The following NRXN3 variants were observed in gnomAD, a reference collection of about 807,000 sequenced individuals.
The protein encoded by NRXN3 is neurexin 3.
In NRXN3, 32 loss-of-function variants were observed where a neutral mutation model predicts 137.6. The observed-to-expected ratio is 0.23, with a 90% CI of 0.18 to 0.31. The LOEUF is 0.31. NRXN3 is among the 10% of genes least tolerant of loss of function. The pLI, the probability that NRXN3 is intolerant of heterozygous loss-of-function variation, is 1.00. For synonymous variants in NRXN3, 798 were observed against 784.5 expected, an observed-to-expected ratio of 1.02 and a Z score of -0.29; for missense variants, 1,574 against 2,062.5, an observed-to-expected ratio of 0.76 and a Z score of 4.59.
chr14:79,175,095 C>T (rs542169498), intron 15 of NRXN3, among the ~76,000 whole-genome samples: 3 of 151,786 alleles, frequency 2.0e-5, no homozygotes, highest in Non-Finnish European at 4.4e-5. Context: ...ATTCTCCTGC[C>T]TCAGCCTCCC....
chr14:78,724,942 C>G (rs1172211462), intron 8 of NRXN3, among the ~76,000 whole-genome samples: 1 of 152,190 alleles, frequency 6.6e-6, no homozygotes, highest in Non-Finnish European at 1.5e-5. Flanking sequence ...GAAAGACCCC[C>G]TTCTGTGGGC....
intron 16 of NRXN3, among the ~76,000 whole-genome samples, chr14:79,585,698 A>C (rs1029754713): frequency 1.5e-4 from 23 of 151,020 alleles, no homozygotes; most frequent in South Asian, 6.3e-4. Flanking sequence ...AAAAAACAAA[A>C]AAAAAAAAAA....
intron 16 of NRXN3, among the ~76,000 whole-genome samples, chr14:79,481,467 A>G (rs1555474519): frequency 6.6e-6 from 1 of 152,210 alleles, no homozygotes; most frequent in Non-Finnish European, 1.5e-5. Flanking sequence ...GCTATATGGT[A>G]TAGCCTATTG....
intron 15 of NRXN3, among the ~76,000 whole-genome samples, chr14:79,295,782 T>G (rs1338828913): frequency 2.0e-5 from 3 of 152,226 alleles, no homozygotes; most frequent in African/African-American, 7.2e-5. Flanking sequence ...TTTGGTAGAC[T>G]GCTACTAATT....
chr14:78,952,534 C>T (rs1437253509), intron 10 of NRXN3, among the ~76,000 whole-genome samples: 1 of 152,134 alleles, frequency 6.6e-6, no homozygotes, highest in African/African-American at 2.4e-5. Context: ...TGTCACAGCT[C>T]AGCTAGCCTA....
intron 16 of NRXN3, among the ~76,000 whole-genome samples, chr14:79,472,849 T>C (rs1465560918): frequency 6.6e-6 from 1 of 152,174 alleles, no homozygotes; most frequent in Non-Finnish European, 1.5e-5. Flanking sequence ...GTTATTACTA[T>C]CATGAAACTC....
chr14:79,536,371 A>G (rs1201443783), intron 16 of NRXN3, among the ~76,000 whole-genome samples: 1 of 152,132 alleles, frequency 6.6e-6, no homozygotes. Context: ...GAATCATGAA[A>G]AGAGATTGGT....
intron 4 of NRXN3, among the ~76,000 whole-genome samples, chr14:78,404,671 G>A (rs1162474841): frequency 6.6e-6 from 1 of 152,150 alleles, no homozygotes; most frequent in African/African-American, 2.4e-5. Context: ...TCAATTCACT[G>A]CTTGGATCAG....
At chr14:78,617,927 G>A (rs988077505) in intron 4 of NRXN3, among the ~76,000 whole-genome samples, 10 of 145,204 alleles carry the variant, frequency 6.9e-5, no homozygotes, top group African/African-American at 2.3e-4. Context: ...GGCAAAAACC[G>A]CAATTACTTT....
intron 19 of NRXN3, among the ~76,000 whole-genome samples, chr14:79,723,461 C>G (rs2098856247): frequency 6.6e-6 from 1 of 152,136 alleles, no homozygotes. Context: ...CTTAGATGAT[C>G]AATTGCTCAT....
rs1475210423 is a variant in NRXN3, at chr14:78,714,816, T to G, written c.1721T>G (p.Leu574Arg). Residue 574 changes from leucine to arginine, a missense_variant, in exon 8 of 21, where the codon CTG becomes CGG. By Grantham distance (102) the Leu-to-Arg change is moderately radical. This residue lies in a region of NRXN3 where 718 missense variants were observed against 887.6 expected (regional missense o/e 0.81). Coordinates refer to ENST00000335750, the MANE Select transcript of NRXN3 (RefSeq NM_001330195.2). The stretch of plus-strand genomic sequence containing the variant: ...ACCGCCAGTGGGGAGAGCGAGATCC[T>G]GGACCTGGAAGGAGACATGTACCTG... Reference protein sequence around the residue: ...PFTASGESEILDLEGDMYLGG... With the variant: ...PFTASGESEIRDLEGDMYLGG... The G allele has an allele frequency of 6.2e-7, 1 of 1,614,136 alleles. No individual in the cohort carries two copies. Among genetic ancestry groups the G allele is most frequent in the Non-Finnish European group, 8.5e-7 (1 of 1,179,986 alleles).
At chr14:79,204,911 G>T (rs2066579482) in intron 15 of NRXN3, among the ~76,000 whole-genome samples, 1 of 152,178 alleles carries the variant, frequency 6.6e-6, no homozygotes, top group Non-Finnish European at 1.5e-5. Flanking sequence ...TATCATATTT[G>T]ATTGTGTTGG....
chr14:79,593,108 A>C (rs1022100347), intron 16 of NRXN3, among the ~76,000 whole-genome samples: 1 of 152,126 alleles, frequency 6.6e-6, no homozygotes, highest in Non-Finnish European at 1.5e-5. Context: ...GATAGTTCAT[A>C]TCTTAGCCCC....
chr14:78,233,032 G>A (rs773330963), intron 1 of NRXN3, among the ~76,000 whole-genome samples: 6 of 152,214 alleles, frequency 3.9e-5, no homozygotes, highest in Admixed American at 6.5e-5. Flanking sequence ...AGAACTCAGG[G>A]TGCAACAACT....
chr14:78,846,351 T>A (rs1342244134), intron 10 of NRXN3, among the ~76,000 whole-genome samples: 1 of 152,116 alleles, frequency 6.6e-6, no homozygotes, highest in African/African-American at 2.4e-5. Flanking sequence ...TTTTCTTTTA[T>A]ACCTGATCAG....
intron 15 of NRXN3, among the ~76,000 whole-genome samples, chr14:79,068,833 G>A (rs1056802809): frequency 1.3e-5 from 2 of 152,206 alleles, no homozygotes; most frequent in African/African-American, 2.4e-5. Flanking sequence ...ATTATTAGAT[G>A]TTGCCCGTCT....
At chr14:79,856,220 G>A (rs1475203242) in intron 20 of NRXN3, among the ~76,000 whole-genome samples, 1 of 152,094 alleles carries the variant, frequency 6.6e-6, no homozygotes, top group African/African-American at 2.4e-5. Context: ...TTTTTCTACT[G>A]TCTTCTCCCC....
intron 4 of NRXN3, among the ~76,000 whole-genome samples, chr14:78,442,774 G>T (rs1385315734): frequency 6.6e-6 from 1 of 152,126 alleles, no homozygotes; most frequent in Non-Finnish European, 1.5e-5. Flanking sequence ...CATTTGTTTT[G>T]CTTTTATTGT....
chr14:79,802,227 AAGG>A (rs2099184544), intron 19 of NRXN3, among the ~76,000 whole-genome samples: 1 of 152,104 alleles, frequency 6.6e-6, no homozygotes, highest in African/African-American at 2.4e-5. Flanking sequence ...CAGTTCTTGA[AAGG>A]AGCTCATTAG....
Sources: gnomAD v4.1 joint callset for allele counts (sites outside exome capture counted in the v4.1 genomes callset) on GRCh38, gnomAD v4.1.1 for gene constraint, gnomAD v4.1.1 regional missense constraint, MANE v1.5 for transcripts, NCBI Gene and HGNC (gene_info 2026-07-23, HGNC 2026-07-21) for gene names.